CLMP: variants seen among roughly 807,000 people sequenced by gnomAD.
CLMP encodes CXADR like cell adhesion molecule.
In CLMP, 27 loss-of-function variants were observed where a neutral mutation model predicts 45.2. The ratio of observed to expected loss-of-function variants is 0.60; its 90% confidence interval spans 0.44 to 0.82. The LOEUF (loss-of-function observed/expected upper bound fraction) is 0.82, where lower values mean the gene tolerates loss of function less well. CLMP is among the 40% of genes least tolerant of loss of function. CLMP has a pLI of 0.00. For synonymous variants in CLMP, 167 were observed against 171.4 expected (o/e 0.97, Z 0.20); for missense variants, 403 against 448.4 (o/e 0.90, Z 0.91).
chr11:123,106,424 T>C (rs948660343), intron 1 of CLMP, among the ~76,000 whole-genome samples: 4,772 of 90,480 alleles, frequency 0.053, 162 homozygotes, highest in African/African-American at 0.13. Context: ...TGTGTGTGTG[T>C]GCGCGCGCGC....
At position 123,188,422 on chromosome 11, in the gene CLMP, CTCCTCCTCTTCCTCCTCCTCT is replaced by C. The variant is rs1271712104; in HGVS notation, c.28+6470_28+6490del. Among the ~76,000 whole-genome samples, 1,044 of 151,418 alleles carry C rather than the reference CTCCTCCTCTTCCTCCTCCTCT, an allele frequency of 6.9e-3. 11 individuals carry two copies. The highest frequency in any genetic ancestry group is 0.024 in the African/African-American group (1,008 of 41,168). Reference sequence around the variant, plus strand: ...TCTCTGTGCCTTCCTCCTCCTCTTCCTCCTCCTCTTCCTCCTCCTCTTCCTCCTCTTCTTCCTCCTCCTCCT... The same window carrying C: ...TCTCTGTGCCTTCCTCCTCCTCTTCCTCCTCCTCTTCTTCCTCCTCCTCCT... On this transcript the variant is annotated intron_variant, in intron 1 of 6. Transcript: ENST00000448775.
rs192428736 is a variant in CLMP at position 123,092,529 on chromosome 11, C to A, written c.186+5266G>T. On this transcript the variant is annotated intron_variant, in intron 2 of 6. Coordinates refer to ENST00000448775, the MANE Select transcript of CLMP (RefSeq NM_024769.5). ...GCCAGGTTGGTCTTGAACTCTTGAC[C>A]TTGTGATCCACCCGCCTTGGCCTCC... Among the ~76,000 whole-genome samples the A allele has an allele frequency of 1.9e-4, 29 of 152,264 alleles. No homozygotes were observed. In the East Asian group the frequency reaches 5.2e-3, roughly 27 times the overall value.
chr11:123,172,252 C>T lies in CLMP; in HGVS notation c.28+22661G>A, dbSNP rs918709361. 2.6e-5 allele frequency among the ~76,000 whole-genome samples: 4 copies of T among 152,158 alleles called. 1 individual carries two copies. The Middle Eastern group carries it at 0.01, about 388-fold the overall frequency. On this transcript the variant is annotated intron_variant, in intron 1 of 6. Coordinates refer to ENST00000448775, the MANE Select transcript of CLMP (RefSeq NM_024769.5). ...TCAGCCTCCCGAGTAGCTGAGACTA[C>T]AGGCACCCACCACCACGCCTGGCTA... is the stretch of plus-strand genomic sequence containing the variant.
intron 2 of CLMP, among the ~76,000 whole-genome samples, chr11:123,085,074 TGCATGTATTAA>T: frequency 6.6e-6 from 1 of 152,038 alleles, no homozygotes; most frequent in Middle Eastern, 3.4e-3. Context: ...TGTACAGCTA[TGCATGTATTAA>T]GCATAGACTT....
rs372040539 is a variant in CLMP at position 123,110,216 on chromosome 11, G to A, written c.29-12264C>T. Among the ~76,000 whole-genome samples, 18 of 152,220 alleles carry A rather than the reference G, an allele frequency of 1.2e-4. No homozygotes were observed. In the East Asian group the frequency reaches 3.3e-3, roughly 28 times the overall value. On this transcript the variant is annotated intron_variant, in intron 1 of 6. Transcript: ENST00000448775. ...CACGCCTGTAATCCCAGCACTTTGGGGGGCTGAGGTGGGCAGATCACAAGG... is the reference window on the plus strand; with the variant it reads ...CACGCCTGTAATCCCAGCACTTTGGAGGGCTGAGGTGGGCAGATCACAAGG...
intron 1 of CLMP, among the ~76,000 whole-genome samples, chr11:123,114,144 G>A (rs556146733): frequency 1.7e-3 from 264 of 152,152 alleles, no homozygotes; most frequent in African/African-American, 5.9e-3. Flanking sequence ...CAGAGGGGGC[G>A]GGAATTAAAA....
At chr11:123,181,124 C>T (rs1861763286) in intron 1 of CLMP, among the ~76,000 whole-genome samples, 1 of 152,202 alleles carries the variant, frequency 6.6e-6, no homozygotes, top group Non-Finnish European at 1.5e-5. Flanking sequence ...ACCTCTATAG[C>T]AGAGAGGGAA....
In CLMP at chr11:123,074,823, C is replaced by T. The variant is rs746344018; in HGVS notation, c.700G>A (p.Val234Ile). Residue 234 changes from valine (V) to isoleucine (I), a missense_variant, in exon 6 of 7, where the codon GTT becomes ATT. Coordinates refer to ENST00000448775, the MANE Select transcript of CLMP (RefSeq NM_024769.5). Reference sequence around the variant, plus strand: ...ACTATGCCTGTCACTGCTCCTGCAACCATGCCGATGCTTTGTACATCTATT... The same window carrying T: ...ACTATGCCTGTCACTGCTCCTGCAATCATGCCGATGCTTTGTACATCTATT... ...TVQYVQSIGMVAGAVTGIVAG... is the reference protein window; with the variant it reads ...TVQYVQSIGMIAGAVTGIVAG... The T allele has an allele frequency of 1.2e-5, 19 of 1,613,870 alleles. No individual in the cohort carries two copies. Among genetic ancestry groups the T allele is most frequent in the Non-Finnish European group, 1.5e-5 (18 of 1,179,986 alleles).
At chr11:123,126,441 A>G (rs1258989429) in intron 1 of CLMP, among the ~76,000 whole-genome samples, 1 of 152,094 alleles carries the variant, frequency 6.6e-6, no homozygotes, top group African/African-American at 2.4e-5. Context: ...TATTTTTTGT[A>G]GAGACGGGAG....
chr11:123,161,461 G>A (rs569949196), intron 1 of CLMP, among the ~76,000 whole-genome samples: 3 of 152,120 alleles, frequency 2.0e-5, no homozygotes, highest in Admixed American at 6.5e-5. Context: ...GAGCCCAGGA[G>A]TTCGATACCA....
chr11:123,174,570 C>T (rs2135543447), intron 1 of CLMP, among the ~76,000 whole-genome samples: 1 of 152,322 alleles, frequency 6.6e-6, no homozygotes, highest in South Asian at 2.1e-4. Flanking sequence ...CTCCCACTTG[C>T]CCACTTGCTG....
chr11:123,153,280 G>C (rs1274919402), intron 1 of CLMP, among the ~76,000 whole-genome samples: 4 of 152,124 alleles, frequency 2.6e-5, no homozygotes, highest in Non-Finnish European at 5.9e-5. Context: ...ACAAGTTTCA[G>C]ATATTTTCTC....
At chr11:123,080,485 G>A (rs1263644596) in intron 5 of CLMP, among the ~76,000 whole-genome samples, 4 of 152,036 alleles carry the variant, frequency 2.6e-5, no homozygotes, top group African/African-American at 4.8e-5. Context: ...GTGCCACCAC[G>A]CCCAGCTAAT....
intron 1 of CLMP, among the ~76,000 whole-genome samples, chr11:123,152,669 T>C (rs569507078): frequency 6.6e-6 from 1 of 152,262 alleles, no homozygotes; most frequent in African/African-American, 2.4e-5. Context: ...AGAAAATACA[T>C]TTCTGTTGTT....
intron 1 of CLMP, among the ~76,000 whole-genome samples, chr11:123,161,016 C>T (rs970515019): frequency 2.6e-5 from 4 of 151,752 alleles, no homozygotes; most frequent in South Asian, 2.1e-4. Context: ...ACTTGCCTTC[C>T]TATTTATTGA....
chr11:123,170,799 A>G (rs1225549272), intron 1 of CLMP, among the ~76,000 whole-genome samples: 1 of 152,022 alleles, frequency 6.6e-6, no homozygotes, highest in African/African-American at 2.4e-5. Context: ...TCATCCTATA[A>G]AGACTGTTTG....
At chr11:123,084,445 A>C (rs1054573264) in intron 3 of CLMP, 67 bp downstream of exon 3, 59 of 1,306,456 alleles carry the variant, frequency 4.5e-5, no homozygotes, top group Non-Finnish European at 3.3e-6. Context: ...ACCGTGATGC[A>C]TATGGCTATC....
intron 1 of CLMP, among the ~76,000 whole-genome samples, chr11:123,150,725 GT>G (rs1332971091): frequency 1.3e-5 from 2 of 151,954 alleles, no homozygotes; most frequent in African/African-American, 2.4e-5. Context: ...TTCTTTTTTT[GT>G]TTTGTTTTGA....
intron 1 of CLMP, among the ~76,000 whole-genome samples, chr11:123,150,611 AAGG>A: frequency 6.7e-6 from 1 of 149,852 alleles, no homozygotes; most frequent in East Asian, 2.0e-4. Flanking sequence ...GGAATGAAGG[AAGG>A]AAGGAAGGAA....
Sources: gnomAD v4.1 joint callset for allele counts (sites outside exome capture counted in the v4.1 genomes callset) on GRCh38, gnomAD v4.1.1 for gene constraint, MANE v1.5 for transcripts, NCBI Gene and HGNC (gene_info 2026-07-23, HGNC 2026-07-21) for gene names.